Variants in CTNND2 observed in about 807,000 individuals in gnomAD.
CTNND2 encodes the protein catenin delta-2.
A neutral mutation model predicts 144.4 loss-of-function variants in CTNND2; 22 were observed. The observed-to-expected ratio is 0.15, with a 90% CI of 0.11 to 0.22. The LOEUF is 0.22. Among genes scored for constraint, CTNND2 ranks in the 10% least tolerant of loss-of-function variants. The pLI is 1.00. For synonymous variants in CTNND2, 751 were observed against 695.6 expected, an observed-to-expected ratio of 1.08 and a Z score of -1.25; for missense variants, 1,353 against 1,618.8, an observed-to-expected ratio of 0.84 and a Z score of 2.82.
At position 11,512,231 on chromosome 5, in the gene CTNND2, A is replaced by G. The variant is rs140202913; in HGVS notation, c.287+52713T>C. Among the ~76,000 whole-genome samples, 10 of 152,300 alleles carry G rather than the reference A, an allele frequency of 6.6e-5. No individual in the cohort carries two copies. The East Asian group carries it at 1.7e-3, about 26-fold the overall frequency. On this transcript the variant is annotated intron_variant, in intron 3 of 21. Transcript: ENST00000304623. The stretch of plus-strand genomic sequence containing the variant: ...AATATTTTTGAACAAAGGGCTCCAC[A>G]ATATTCATTTTGAACTAGACCCTGC...
rs942823560 is a variant in CTNND2 at position 11,750,441 on chromosome 5, G to A, written c.38-18169C>T. ...TAACTAGACTGCTTGGATTAAGCCAGTGTGATTTTGGTATTGTTTGTTACT... is the reference window on the plus strand; with the variant it reads ...TAACTAGACTGCTTGGATTAAGCCAATGTGATTTTGGTATTGTTTGTTACT... On this transcript the variant is annotated intron_variant, in intron 1 of 21. Transcript: ENST00000304623. 2.6e-5 allele frequency among the ~76,000 whole-genome samples: 4 copies of A among 151,926 alleles called. No homozygotes were observed. In the East Asian group the frequency reaches 7.7e-4, roughly 29 times the overall value.
chr5:11,835,347 G>GT (rs1414440735), intron 1 of CTNND2, among the ~76,000 whole-genome samples: 1 of 152,086 alleles, frequency 6.6e-6, no homozygotes, highest in Non-Finnish European at 1.5e-5. Context: ...CCTTCCTTCT[G>GT]TTTTCTGCAC....
At position 11,153,081 on chromosome 5, in the gene CTNND2, C is replaced by T. The variant is rs145711078; in HGVS notation, c.2159+6495G>A. On this transcript the variant is annotated intron_variant, in intron 12 of 21. Transcript: ENST00000304623. ...GAGTTCAGGACTAGCCTGGCCAACA[C>T]GGTGAAACCCCATCTCTACTAAAAA... Among the ~76,000 whole-genome samples, 460 of 152,048 alleles carry T rather than the reference C, an allele frequency of 3.0e-3. 1 individual carries two copies. The highest frequency in any genetic ancestry group is 5.0e-3 in the African/African-American group (208 of 41,502).
intron 1 of CTNND2, among the ~76,000 whole-genome samples, chr5:11,894,650 C>T (rs968210359): frequency 1.3e-5 from 2 of 152,184 alleles, no homozygotes; most frequent in Non-Finnish European, 2.9e-5. Flanking sequence ...CTTCCCAAAG[C>T]ATTTTCACCT....
At chr5:11,494,484 T>G (rs1179421390) in intron 3 of CTNND2, among the ~76,000 whole-genome samples, 1 of 152,126 alleles carries the variant, frequency 6.6e-6, no homozygotes, top group Non-Finnish European at 1.5e-5. Flanking sequence ...AAAAAAAAAT[T>G]TGAAATAAAA....
chr5:11,531,702 C>T lies in CTNND2; in HGVS notation c.287+33242G>A, dbSNP rs951625070. Among the ~76,000 whole-genome samples the T allele has an allele frequency of 3.3e-5, 5 of 152,058 alleles. No homozygotes were observed. In the South Asian group the frequency reaches 8.3e-4, roughly 25 times the overall value. ...ATCATAAGGTAGTAAATATTAATTACTAAAATGAGACAGCTCAGGAAAGAA... is the reference window on the plus strand; with the variant it reads ...ATCATAAGGTAGTAAATATTAATTATTAAAATGAGACAGCTCAGGAAAGAA... On this transcript the variant is annotated intron_variant, in intron 3 of 21. Transcript: ENST00000304623.
chr5:11,236,642 G>A lies in CTNND2; in HGVS notation c.1761+49C>T, dbSNP rs375011774. ...CCCCATCAACATTAAGAAGATCTAA[G>A]TGCTTATGAATCTGACACCAATCAT... On this transcript the variant is annotated intron_variant, in intron 10 of 21. Coordinates refer to ENST00000304623, the MANE Select transcript of CTNND2 (RefSeq NM_001332.4). 57 of 1,597,638 alleles carry A rather than the reference G, an allele frequency of 3.6e-5. No homozygotes were observed. In the African/African-American group the frequency reaches 5.2e-4, roughly 15 times the overall value.
intron 2 of CTNND2, among the ~76,000 whole-genome samples, chr5:11,608,223 C>A (rs1334036320): frequency 1.3e-5 from 2 of 152,094 alleles, no homozygotes. Flanking sequence ...AAAATTAATG[C>A]AGTGTTTTCT....
At chr5:11,355,153 T>C (rs1391201070) in intron 8 of CTNND2, among the ~76,000 whole-genome samples, 1 of 152,032 alleles carries the variant, frequency 6.6e-6, no homozygotes, top group African/African-American at 2.4e-5. Flanking sequence ...GAAAGATTTC[T>C]AATAAACAAC....
At chr5:11,811,583 T>C (rs978368118) in intron 1 of CTNND2, among the ~76,000 whole-genome samples, 2 of 152,234 alleles carry the variant, frequency 1.3e-5, no homozygotes, top group African/African-American at 2.4e-5. Context: ...CCAATTTGTT[T>C]AGACAGGGTC....
At chr5:11,802,748 T>G (rs963145807) in intron 1 of CTNND2, among the ~76,000 whole-genome samples, 1 of 152,238 alleles carries the variant, frequency 6.6e-6, no homozygotes, top group Admixed American at 6.5e-5. Context: ...TTCCCATGAT[T>G]ATCTATTTCT....
chr5:11,059,509 T>C (rs1337675294), intron 16 of CTNND2, among the ~76,000 whole-genome samples: 2 of 152,208 alleles, frequency 1.3e-5, no homozygotes, highest in African/African-American at 4.8e-5. Context: ...CTTTCTTTTC[T>C]AAATTGCCCA....
chr5:10,999,334 T>C (rs763607148), intron 18 of CTNND2, among the ~76,000 whole-genome samples: 9 of 152,328 alleles, frequency 5.9e-5, no homozygotes, highest in Middle Eastern at 6.8e-3. Context: ...TATTTGCCTC[T>C]TTAATCACTG....
chr5:11,780,285 C>T (rs1205877039), intron 1 of CTNND2, among the ~76,000 whole-genome samples: 3 of 152,152 alleles, frequency 2.0e-5, no homozygotes, highest in Non-Finnish European at 2.9e-5. Flanking sequence ...TCTTTCTTAC[C>T]TCTCAGAAAC....
At chr5:11,656,413 T>C (rs1181588308) in intron 2 of CTNND2, among the ~76,000 whole-genome samples, 2 of 107,976 alleles carry the variant, frequency 1.9e-5, no homozygotes, top group East Asian at 3.9e-4. Flanking sequence ...TGCTGAACAC[T>C]CCCAGAAAAA....
chr5:11,734,449 T>C (rs1057200106), intron 1 of CTNND2, among the ~76,000 whole-genome samples: 2 of 152,186 alleles, frequency 1.3e-5, no homozygotes, highest in Non-Finnish European at 1.5e-5. Flanking sequence ...AAGAGATCTG[T>C]AGCTCAAATG....
At chr5:11,012,861 T>C (rs1217298784) in intron 18 of CTNND2, among the ~76,000 whole-genome samples, 2 of 152,178 alleles carry the variant, frequency 1.3e-5, no homozygotes, top group Admixed American at 1.3e-4. Flanking sequence ...GAGGAATACG[T>C]TCATTTTGGG....
chr5:11,045,964 T>A (rs542607563), intron 16 of CTNND2, among the ~76,000 whole-genome samples: 2 of 152,190 alleles, frequency 1.3e-5, no homozygotes, highest in African/African-American at 4.8e-5. Context: ...TAACCAGAAA[T>A]ATTAAGTGGC....
At chr5:11,504,026 G>A (rs1473303473) in intron 3 of CTNND2, among the ~76,000 whole-genome samples, 1 of 152,194 alleles carries the variant, frequency 6.6e-6, no homozygotes, top group Admixed American at 6.5e-5. Context: ...ACCTCATTCT[G>A]AAAGATAATT....
Sources: gnomAD v4.1 joint callset for allele counts (sites outside exome capture counted in the v4.1 genomes callset) on GRCh38, gnomAD v4.1.1 for gene constraint, MANE v1.5 for transcripts, NCBI Gene and HGNC (gene_info 2026-07-23, HGNC 2026-07-21) for gene names.